The following GALNT10 variants were observed in gnomAD, a reference collection of about 807,000 sequenced individuals.
GALNT10 encodes the protein GalNAc transferase 10.
In GALNT10, 41 loss-of-function variants were observed where a neutral mutation model predicts 75.0. The ratio of observed to expected loss-of-function variants is 0.55; its 90% CI spans 0.43 to 0.71. The LOEUF is 0.71. Among genes scored for constraint, GALNT10 ranks in the 30% least tolerant of loss-of-function variants. The pLI is 0.00. For synonymous variants in GALNT10, 302 were observed against 313.0 expected, an observed-to-expected ratio of 0.96 and a Z score of 0.37; for missense variants, 727 against 818.5, an observed-to-expected ratio of 0.89 and a Z score of 1.36.
intron 6 of GALNT10, among the ~76,000 whole-genome samples, chr5:154,382,232 A>C (rs1755744780): frequency 6.6e-6 from 1 of 152,248 alleles, no homozygotes; most frequent in Non-Finnish European, 1.5e-5. Context: ...TTCTTTGAGG[A>C]AATGAAAGGT....
intron 1 of GALNT10, chr5:154,219,767 CAG>C (rs1752942811): frequency 6.6e-6 from 1 of 151,770 alleles, no homozygotes; most frequent in Non-Finnish European, 1.5e-5. Flanking sequence ...ATAACTGATC[CAG>C]AGACAGTAAG....
chr5:154,318,957 T>C (rs1754636562), intron 3 of GALNT10, among the ~76,000 whole-genome samples: 1 of 152,242 alleles, frequency 6.6e-6, no homozygotes, highest in African/African-American at 2.4e-5. Flanking sequence ...CCACCAACTC[T>C]CAGTTGCAAA....
chr5:154,338,093 A>G (rs62379900), intron 4 of GALNT10: 76,073 of 1,125,256 alleles, frequency 0.068, 2,949 homozygotes, highest in Middle Eastern at 0.099. Flanking sequence ...ATCTTCTTTA[A>G]TGCCACCAGC....
chr5:154,202,400 A>T (rs1168795397), intron 1 of GALNT10, among the ~76,000 whole-genome samples: 1 of 152,210 alleles, frequency 6.6e-6, no homozygotes, highest in Non-Finnish European at 1.5e-5. Context: ...CACAGCAGAA[A>T]CAGCAATGAT....
In GALNT10 at chr5:154,416,412, G is replaced by A. The variant is rs912058727; in HGVS notation, c.1654-402G>A. On this transcript the variant is annotated intron_variant, in intron 11 of 11. Coordinates refer to ENST00000297107, the MANE Select transcript of GALNT10 (RefSeq NM_198321.4). This position sits in a 1 kb window ranked among gnomAD's most constrained non-coding sequence, Gnocchi z 4.5. ...TGTGCCACTACACTCCAGCCTGGGT[G>A]ACAGAGTGAGAACCTGTCTCAAAAA... 2.0e-5 allele frequency among the ~76,000 whole-genome samples: 3 copies of A among 152,030 alleles called. No individual in the cohort carries two copies. The highest frequency in any genetic ancestry group is 2.1e-4 in the South Asian group (1 of 4,806).
At chr5:154,267,232 G>A (rs1220468283) in intron 1 of GALNT10, among the ~76,000 whole-genome samples, 1 of 152,198 alleles carries the variant, frequency 6.6e-6, no homozygotes, top group Non-Finnish European at 1.5e-5. Context: ...TTAAGGTGAA[G>A]CAAAGTAGCT....
chr5:154,294,649 G>A (rs2113074369), intron 1 of GALNT10, among the ~76,000 whole-genome samples, 167 bp from the exon 2 acceptor site: 1 of 152,274 alleles, frequency 6.6e-6, no homozygotes. Flanking sequence ...TGCAAACCTA[G>A]CTGGCACATG....
intron 4 of GALNT10, among the ~76,000 whole-genome samples, chr5:154,345,902 C>G (rs560418662): frequency 6.6e-6 from 1 of 151,286 alleles, no homozygotes; most frequent in East Asian, 1.9e-4. Context: ...ACCTCAGCCA[C>G]CCAAAGTGCC....
rs773486061 is a variant in GALNT10, at chr5:154,409,739, C to A, written c.1363C>A (p.Pro455Thr). The change falls in exon 9 of 12, where the codon CCC becomes ACC. Residue 455 changes from proline to threonine, a missense_variant. Coordinates refer to ENST00000297107, the MANE Select transcript of GALNT10 (RefSeq NM_198321.4). The surrounding 1 kb of genome is among the most constrained non-coding windows in gnomAD (Gnocchi z 4.5). The stretch of plus-strand genomic sequence containing the variant: ...GCCCAAATTCTACCCACCCGTGGAG[C>A]CCCCGGCTGCAGCTTGGGGGGAGGT... The part of the protein sequence containing the change: ...DLPKFYPPVE[P>T]PAAAWGEIRN... 1.2e-6 allele frequency: 2 copies of A among 1,612,578 alleles called. No individual in the cohort carries two copies. Among genetic ancestry groups the A allele is most frequent in the South Asian group, 2.2e-5 (2 of 91,058 alleles).
At chr5:154,264,551 C>T (rs545725546) in intron 1 of GALNT10, among the ~76,000 whole-genome samples, 1 of 152,012 alleles carries the variant, frequency 6.6e-6, no homozygotes, top group South Asian at 2.1e-4. Flanking sequence ...ACAGCAAATG[C>T]GGTAAAATAT....
chr5:154,312,664 T>A (rs1180879058), intron 3 of GALNT10, among the ~76,000 whole-genome samples: 5 of 152,236 alleles, frequency 3.3e-5, no homozygotes, highest in Admixed American at 1.3e-4. Context: ...TCCAGGTCCT[T>A]GCTTCTGGAA....
intron 1 of GALNT10, among the ~76,000 whole-genome samples, chr5:154,229,232 C>CATCTTT (rs1295371282): frequency 2.0e-5 from 3 of 152,186 alleles, no homozygotes; most frequent in South Asian, 2.1e-4. Flanking sequence ...CTGGGCTTTA[C>CATCTTT]ATCTTTCCCT....
chr5:154,401,419 A>C (rs3756644), intron 7 of GALNT10, among the ~76,000 whole-genome samples: 10,844 of 152,324 alleles, frequency 0.071, 421 homozygotes, highest in African/African-American at 0.098. Context: ...CGACCTGGGC[A>C]ATACCCGCCA....
At chr5:154,396,621 G>A (rs767777003) in intron 7 of GALNT10, among the ~76,000 whole-genome samples, 5 of 152,122 alleles carry the variant, frequency 3.3e-5, no homozygotes, top group South Asian at 4.1e-4. Context: ...ATTAAACCTC[G>A]GTTTCCTCAT....
chr5:154,253,875 A>G (rs963265316), intron 1 of GALNT10, among the ~76,000 whole-genome samples: 16 of 152,014 alleles, frequency 1.1e-4, no homozygotes, highest in Admixed American at 5.2e-4. Flanking sequence ...TTGCAGATCT[A>G]CCTCAGTGCA....
At chr5:154,294,747 G>A in intron 1 of GALNT10, 69 bp from the exon 2 acceptor site, 2 of 826,776 alleles carry the variant, frequency 2.4e-6, no homozygotes, top group South Asian at 3.0e-5. Context: ...CCCTTAGGCA[G>A]TGTAACTCCT....
At chr5:154,287,959 T>TGTGTGTGTGA in intron 1 of GALNT10, among the ~76,000 whole-genome samples, 1 of 149,944 alleles carries the variant, frequency 6.7e-6, no homozygotes, top group South Asian at 2.1e-4. Context: ...TGTGTGTGTG[T>TGTGTGTGTGA]GAGAGAGAGA....
In GALNT10 at chr5:154,412,784, A is replaced by T; in HGVS notation, c.1387-105A>T. ...GCTTTATCAAGACGATTTGAAGGTT[A>T]ATCCAGCTAATGTCTCCCACTTGGT... is the stretch of plus-strand genomic sequence containing the variant. On this transcript the variant is annotated intron_variant, in intron 9 of 11. Transcript: ENST00000297107. The surrounding 1 kb of genome is among the most constrained non-coding windows in gnomAD (Gnocchi z 4.2). 1 of 805,488 alleles carries T rather than the reference A, an allele frequency of 1.2e-6. No homozygotes were observed. The highest frequency in any genetic ancestry group is 2.2e-6 in the Non-Finnish European group (1 of 454,808). The allele number at this position is 805,488 out of a possible 1,614,324, so 49.9% of individuals were successfully genotyped here.
intron 4 of GALNT10, among the ~76,000 whole-genome samples, chr5:154,372,339 G>A (rs1755585889): frequency 6.6e-6 from 1 of 152,162 alleles, no homozygotes; most frequent in African/African-American, 2.4e-5. Flanking sequence ...GCCATTGTTT[G>A]GAGAAAGTGG....
Sources: allele counts gnomAD v4.1 joint callset (sites outside exome capture counted in the v4.1 genomes callset), GRCh38; gene constraint gnomAD v4.1.1; non-coding constraint Gnocchi (gnomAD v3.1); transcripts MANE v1.5; gene names NCBI Gene and HGNC (gene_info 2026-07-23, HGNC 2026-07-21).